Variants in OTULINL observed in about 807,000 individuals in gnomAD.
OTULINL encodes the protein inactive ubiquitin thioesterase OTULINL.
A neutral mutation model predicts 43.9 loss-of-function variants in OTULINL; 42 were observed. That is an observed-to-expected ratio of 0.96 (90% CI 0.75 to 1.24). The LOEUF (loss-of-function observed/expected upper bound fraction) is 1.24. OTULINL is among the 50% of genes most tolerant of loss of function. OTULINL has a pLI of 0.00. For synonymous variants in OTULINL, 172 were observed against 153.6 expected (o/e 1.12, Z -0.88); for missense variants, 411 against 426.4 (o/e 0.96, Z 0.32).
chr5:14,588,460 T>A (rs542616787), intron 1 of OTULINL, among the ~76,000 whole-genome samples: 9 of 152,290 alleles, frequency 5.9e-5, no homozygotes, highest in African/African-American at 1.4e-4. Context: ...TGCTTTATAT[T>A]TACATGGTGT....
intron 1 of OTULINL, among the ~76,000 whole-genome samples, chr5:14,582,342 C>G (rs1369064558): frequency 6.6e-6 from 1 of 151,912 alleles, no homozygotes; most frequent in African/African-American, 2.4e-5. Context: ...GGGAGCGAGC[C>G]CGGGGCGCGT....
At chr5:14,593,727 C>T (rs898767646) in intron 1 of OTULINL, among the ~76,000 whole-genome samples, 6 of 152,152 alleles carry the variant, frequency 3.9e-5, no homozygotes, top group Non-Finnish European at 5.9e-5. Flanking sequence ...GAGATGTGCC[C>T]GACTCTCAGC....
In OTULINL at chr5:14,612,945, G is replaced by A. The variant is rs578074928; in HGVS notation, c.*2631G>A. On this transcript the variant is annotated 3_prime_UTR_variant, in exon 8 of 8. Coordinates refer to ENST00000274217, the MANE Select transcript of OTULINL (RefSeq NM_019018.3). ...TTTTAACAATTTTTTTTTTTGAGACGGAGTTTCACTCTTTTTGCTCAGGCT... is the reference window on the plus strand; with the variant it reads ...TTTTAACAATTTTTTTTTTTGAGACAGAGTTTCACTCTTTTTGCTCAGGCT... Among the ~76,000 whole-genome samples, 49 of 151,660 alleles carry A rather than the reference G, an allele frequency of 3.2e-4. 1 individual carries two copies. The South Asian group carries it at 5.6e-3, about 17-fold the overall frequency.
chr5:14,607,230 GA>G (rs552507764), intron 5 of OTULINL, 99 bp from the exon 6 acceptor site: 13,273 of 1,052,472 alleles, frequency 0.013, 1 homozygote, highest in South Asian at 0.025. Flanking sequence ...ATTCCATCTC[GA>G]AAAAAAAAAA....
At chr5:14,601,806 A>G (rs949768980) in intron 4 of OTULINL, among the ~76,000 whole-genome samples, 2 of 152,194 alleles carry the variant, frequency 1.3e-5, no homozygotes, top group Admixed American at 1.3e-4. Context: ...TAGAATTTTT[A>G]TTGGACCAAT....
Position 14,610,504 on chromosome 5 carries a change from C to T in OTULINL, c.*190C>T. On this transcript the variant is annotated 3_prime_UTR_variant, in exon 8 of 8. Coordinates refer to ENST00000274217, the MANE Select transcript of OTULINL (RefSeq NM_019018.3). ...TATTTTTCAGTGATTTCCTCTGAAGCAGCTGCACTGATACATTTGGGAGTT... is the reference window on the plus strand; with the variant it reads ...TATTTTTCAGTGATTTCCTCTGAAGTAGCTGCACTGATACATTTGGGAGTT... The T allele has an allele frequency of 3.5e-6, 2 of 574,994 alleles. No individual in the cohort carries two copies. The highest frequency in any genetic ancestry group is 5.9e-6 in the Non-Finnish European group (2 of 337,950). 35.6% of individuals were successfully genotyped at this position (574,994 alleles called of 1,614,324 possible).
chr5:14,603,412 C>T (rs887934164), intron 5 of OTULINL, among the ~76,000 whole-genome samples: 1 of 152,192 alleles, frequency 6.6e-6, no homozygotes, highest in African/African-American at 2.4e-5. Flanking sequence ...AGCTGCGTTC[C>T]AAAGTGGCCC....
chr5:14,593,919 GT>G (rs1759245669), intron 1 of OTULINL, among the ~76,000 whole-genome samples: 1 of 152,206 alleles, frequency 6.6e-6, no homozygotes, highest in Non-Finnish European at 1.5e-5. Context: ...GAATGTCTTA[GT>G]GGTCATGACT....
intron 4 of OTULINL, 135 bp from the exon 5 acceptor site, chr5:14,602,048 G>A (rs1270995830): frequency 4.8e-6 from 3 of 631,392 alleles, no homozygotes; most frequent in Non-Finnish European, 7.8e-6. Flanking sequence ...ATTACATGCG[G>A]TCATATTCGT....
In OTULINL at chr5:14,614,216, A is replaced by G. The variant is rs1759631069; in HGVS notation, c.*3902A>G. Among the ~76,000 whole-genome samples the G allele has an allele frequency of 6.6e-6, 1 of 152,198 alleles. No homozygotes were observed. Among genetic ancestry groups the G allele is most frequent in the African/African-American group, 2.4e-5 (1 of 41,454 alleles). On this transcript the variant is annotated 3_prime_UTR_variant, in exon 8 of 8. Coordinates refer to ENST00000274217, the MANE Select transcript of OTULINL (RefSeq NM_019018.3). ...ACAGAAAAAAGTATATATATATCAT[A>G]TGTCTTTTCATGCATCTGAAACTTT...
chr5:14,590,935 A>G (rs1759190943), intron 1 of OTULINL, among the ~76,000 whole-genome samples: 1 of 152,244 alleles, frequency 6.6e-6, no homozygotes, highest in Non-Finnish European at 1.5e-5. Context: ...TGCATTGTAA[A>G]GAGTTTTGCA....
In OTULINL at chr5:14,613,390, C is replaced by T. The variant is rs1759613927; in HGVS notation, c.*3076C>T. 1.3e-5 allele frequency among the ~76,000 whole-genome samples: 2 copies of T among 152,148 alleles called. No homozygotes were observed. On this transcript the variant is annotated 3_prime_UTR_variant, in exon 8 of 8. Transcript: ENST00000274217. ...GGATTCCTTTTCCTTTTCATGCTATCTTTTCATCATACCTCTTCTAATCTG... is the reference window on the plus strand; with the variant it reads ...GGATTCCTTTTCCTTTTCATGCTATTTTTTCATCATACCTCTTCTAATCTG...
At chr5:14,599,344 C>T (rs981685472) in intron 1 of OTULINL, among the ~76,000 whole-genome samples, 38 of 152,022 alleles carry the variant, frequency 2.5e-4, no homozygotes, top group Admixed American at 7.2e-4. Context: ...AAAAACTAGT[C>T]GGGCATGGTG....
chr5:14,595,066 ATG>A (rs1297592726), intron 1 of OTULINL, among the ~76,000 whole-genome samples: 1 of 152,150 alleles, frequency 6.6e-6, no homozygotes, highest in African/African-American at 2.4e-5. Flanking sequence ...ATTTCACTGT[ATG>A]TATATTTCTT....
chr5:14,607,536 A>G lies in OTULINL; in HGVS notation c.627+78A>G, dbSNP rs566347245. 50 of 1,552,556 alleles carry G rather than the reference A, an allele frequency of 3.2e-5. No homozygotes were observed. The South Asian group carries it at 3.7e-4, about 11-fold the overall frequency. On this transcript the variant is annotated intron_variant, in intron 6 of 7. Coordinates refer to ENST00000274217, the MANE Select transcript of OTULINL (RefSeq NM_019018.3). ...GATAGAGCCAGTTTTCTCTGATGTC[A>G]GGGACATTGCTTCATGTTAGGAAAG... is the stretch of plus-strand genomic sequence containing the variant.
rs373863895 is a variant in OTULINL, at chr5:14,593,661, C to T, written c.65-7304C>T. Among the ~76,000 whole-genome samples, 13 of 152,334 alleles carry T rather than the reference C, an allele frequency of 8.5e-5. No homozygotes were observed. The East Asian group carries it at 1.2e-3, about 14-fold the overall frequency. Reference sequence around the variant, plus strand: ...AAAATGCAATGATTAGAAAATGAAACTTACCTTTAAAATGATGGGTTGCAT... The same window carrying T: ...AAAATGCAATGATTAGAAAATGAAATTTACCTTTAAAATGATGGGTTGCAT... On this transcript the variant is annotated intron_variant, in intron 1 of 7. Coordinates refer to ENST00000274217, the MANE Select transcript of OTULINL (RefSeq NM_019018.3).
chr5:14,596,220 T>C (rs1331053630), intron 1 of OTULINL, among the ~76,000 whole-genome samples: 1 of 152,146 alleles, frequency 6.6e-6, no homozygotes, highest in Non-Finnish European at 1.5e-5. Context: ...ATGACTGAAT[T>C]CGTGGAGGTG....
chr5:14,604,482 A>AT (rs1437793983), intron 5 of OTULINL, among the ~76,000 whole-genome samples: 1 of 152,188 alleles, frequency 6.6e-6, no homozygotes, highest in Non-Finnish European at 1.5e-5. Context: ...AAAGTCTTAA[A>AT]TCATTTCAGC....
intron 1 of OTULINL, among the ~76,000 whole-genome samples, chr5:14,585,449 ATT>A (rs889144443): frequency 2.6e-5 from 4 of 152,140 alleles, no homozygotes; most frequent in African/African-American, 9.7e-5. Flanking sequence ...GGTACCAAGT[ATT>A]TTATCTCAGT....
Sources: gnomAD v4.1 joint callset for allele counts (sites outside exome capture counted in the v4.1 genomes callset) on GRCh38, gnomAD v4.1.1 for gene constraint, MANE v1.5 for transcripts, NCBI Gene and HGNC (gene_info 2026-07-23, HGNC 2026-07-21) for gene names.